Variants in ZNF79 observed in about 807,000 individuals in gnomAD.
ZNF79 encodes ZNFpT7.
Under a neutral mutation model 14.9 loss-of-function variants are expected in ZNF79, and 13 were observed. The ratio of observed to expected loss-of-function variants is 0.87; its 90% CI spans 0.57 to 1.38. The LOEUF (loss-of-function observed/expected upper bound fraction) is 1.38. Among genes scored for constraint, ZNF79 ranks in the 40% most tolerant of loss-of-function variants. The probability of loss-of-function intolerance (pLI) is 0.00; values close to 1 mark genes in which losing one functional copy is unlikely to be tolerated. For synonymous variants in ZNF79, 223 were observed against 235.1 expected (o/e 0.95, Z 0.47); for missense variants, 631 against 630.6 (o/e 1.00, Z -0.01).
At position 127,425,886 on chromosome 9, in the gene ZNF79, C is replaced by G. The variant is rs185327837; in HGVS notation, c.16+1083C>G. On this transcript the variant is annotated intron_variant, in intron 1 of 4. Coordinates refer to ENST00000342483, the MANE Select transcript of ZNF79 (RefSeq NM_007135.3). The stretch of plus-strand genomic sequence containing the variant: ...GGGATTACAGGCGTGAGCCACTGCT[C>G]CTGGCCAAGAGATCCTTATATTTGG... 2.6e-3 allele frequency among the ~76,000 whole-genome samples: 393 copies of G among 152,342 alleles called. 3 individuals carry two copies. Among genetic ancestry groups the G allele is most frequent in the Admixed American group, 4.6e-3 (71 of 15,304 alleles).
At chr9:127,442,632 G>A (rs1398775673) in intron 4 of ZNF79, among the ~76,000 whole-genome samples, 1 of 152,152 alleles carries the variant, frequency 6.6e-6, no homozygotes, top group African/African-American at 2.4e-5. Context: ...GGGAGGCTGA[G>A]GCGGAGGATC....
Position 127,439,276 on chromosome 9 carries a change from TG to T in ZNF79, c.328+3274del, listed in dbSNP as rs368618533. On this transcript the variant is annotated intron_variant, in intron 4 of 4. Coordinates refer to ENST00000342483, the MANE Select transcript of ZNF79 (RefSeq NM_007135.3). ...ATATGAAAGACACATAATCCCTGCT[TG>T]CCATGCATTAACTACATGGATTCCA... Among the ~76,000 whole-genome samples the T allele has an allele frequency of 2.6e-5, 4 of 152,192 alleles. 1 individual carries two copies. Among genetic ancestry groups the T allele is most frequent in the African/African-American group, 9.6e-5 (4 of 41,536 alleles).
At chr9:127,437,976 A>G (rs1833979214) in intron 4 of ZNF79, among the ~76,000 whole-genome samples, 1 of 152,112 alleles carries the variant, frequency 6.6e-6, no homozygotes, top group Non-Finnish European at 1.5e-5. Flanking sequence ...TAGAAACAGG[A>G]GTTGGAAAGG....
At chr9:127,430,485 T>C (rs560538355) in intron 2 of ZNF79, among the ~76,000 whole-genome samples, 26 of 152,220 alleles carry the variant, frequency 1.7e-4, no homozygotes, top group African/African-American at 6.3e-4. Context: ...ATATACTTGG[T>C]ATTTAGCTTC....
At chr9:127,428,619 A>G (rs1164305030) in intron 1 of ZNF79, 2 of 1,174,468 alleles carry the variant, frequency 1.7e-6, no homozygotes, top group African/African-American at 1.6e-5. Context: ...GATCATGGAT[A>G]CTTGAGAGTC....
intron 4 of ZNF79, 66 bp downstream of exon 4, chr9:127,436,069 G>T: frequency 7.8e-7 from 1 of 1,286,148 alleles, no homozygotes; most frequent in Non-Finnish European, 1.1e-6. Flanking sequence ...TCACGCATGA[G>T]TGTATTTGAT....
At chr9:127,435,771 C>A (rs1833935871) in intron 3 of ZNF79, 137 bp from the exon 4 acceptor site, 3 of 715,746 alleles carry the variant, frequency 4.2e-6, no homozygotes, top group African/African-American at 3.5e-5. Context: ...GGTGTAGGCA[C>A]TAAGTAAGAG....
intron 1 of ZNF79, 56 bp from the exon 2 acceptor site, chr9:127,428,776 A>AACTGGTG: frequency 1.4e-6 from 2 of 1,433,034 alleles, no homozygotes; most frequent in Non-Finnish European, 1.9e-6. Context: ...TCACAGTGAG[A>AACTGGTG]ACTGGTGACT....
Position 127,444,255 on chromosome 9 carries a change from GA to G in ZNF79, c.558del (p.Lys186AsnfsTer220), listed in dbSNP as rs1234835929. The G allele has an allele frequency of 6.2e-7, 1 of 1,613,890 alleles. No homozygotes were observed. The highest frequency in any genetic ancestry group is 8.5e-7 in the Non-Finnish European group (1 of 1,179,978). ...AGAGCTTCAAGAACTCGGAAATCCT[GA>G]AACCTCACAGAGCAAAACCATATGC... Reference protein sequence around the residue: ...TESFKNSEILKPHRAKPYACN... With the variant: ...TESFKNSEILXPHRAKPYACN... On this transcript the variant is annotated frameshift_variant, in exon 5 of 5. Coordinates refer to ENST00000342483, the MANE Select transcript of ZNF79 (RefSeq NM_007135.3). LOFTEE classifies it low-confidence loss of function (END_TRUNC).
At chr9:127,426,126 C>A (rs965676069) in intron 1 of ZNF79, among the ~76,000 whole-genome samples, 1 of 152,212 alleles carries the variant, frequency 6.6e-6, no homozygotes, top group African/African-American at 2.4e-5. Flanking sequence ...AGATATCATT[C>A]ACATACCATA....
intron 1 of ZNF79, chr9:127,428,629 C>T (rs1474045546): frequency 2.1e-5 from 25 of 1,190,468 alleles, no homozygotes; most frequent in Non-Finnish European, 2.5e-5. Flanking sequence ...ACTTGAGAGT[C>T]TGTGAACACT....
rs769499026 is a variant in ZNF79 at position 127,444,880 on chromosome 9, TG to T, written c.1181del (p.Cys394LeufsTer12). Reference sequence around the variant, plus strand: ...GGAGAAACCCTACAAGTGCAGCGAGTGTGGGAAGGCCTTCAGCCAGAGTACC... The same window carrying T: ...GGAGAAACCCTACAAGTGCAGCGAGTTGGGAAGGCCTTCAGCCAGAGTACC... ...TGEKPYKCSE[C>X]GKAFSQSTNL... On this transcript the variant is annotated frameshift_variant, in exon 5 of 5. Transcript: ENST00000342483. LOFTEE classifies it high-confidence loss of function. 36 of 1,613,882 alleles carry T rather than the reference TG, an allele frequency of 2.2e-5. No individual in the cohort carries two copies. Among genetic ancestry groups the T allele is most frequent in the Non-Finnish European group, 3.1e-5 (36 of 1,180,014 alleles).
At position 127,444,574 on chromosome 9, in the gene ZNF79, C is replaced by G; in HGVS notation, c.874C>G (p.Leu292Val). Residue 292 changes from leucine to valine, a missense_variant, in exon 5 of 5, where the codon CTT (leucine) becomes GTT (valine). Physicochemically the swap from Leu to Val is conservative, Grantham distance 32. Coordinates refer to ENST00000342483, the MANE Select transcript of ZNF79 (RefSeq NM_007135.3). ...CEKAFSDCSA[L>V]VQHQRIHTGE... ...GAAAGCCTTCAGTGACTGCTCAGCT[C>G]TTGTTCAGCATCAGAGAATTCATAC... is the stretch of plus-strand genomic sequence containing the variant. The G allele has an allele frequency of 6.2e-7, 1 of 1,614,102 alleles. No individual in the cohort carries two copies. Among genetic ancestry groups the G allele is most frequent in the Non-Finnish European group, 8.5e-7 (1 of 1,180,020 alleles).
chr9:127,438,321 A>G (rs772212657), intron 4 of ZNF79, among the ~76,000 whole-genome samples: 1 of 152,158 alleles, frequency 6.6e-6, no homozygotes, highest in Non-Finnish European at 1.5e-5. Context: ...GATTACATTA[A>G]TTTATTAGAG....
At chr9:127,440,272 G>C (rs1163076701) in intron 4 of ZNF79, among the ~76,000 whole-genome samples, 1 of 152,180 alleles carries the variant, frequency 6.6e-6, no homozygotes, top group Non-Finnish European at 1.5e-5. Flanking sequence ...GGAGCTGTTT[G>C]GGAGCTGATG....
intron 2 of ZNF79, among the ~76,000 whole-genome samples, chr9:127,433,882 C>T (rs567149349): frequency 6.6e-6 from 1 of 152,128 alleles, no homozygotes; most frequent in Non-Finnish European, 1.5e-5. Flanking sequence ...TGCATCTAGT[C>T]CCTCTCCTCA....
intron 4 of ZNF79, among the ~76,000 whole-genome samples, chr9:127,440,850 A>G (rs12554459): frequency 1.9e-3 from 288 of 152,108 alleles, no homozygotes; most frequent in Non-Finnish European, 3.2e-3. Context: ...ATTAAGGATG[A>G]CCCTAGGTTT....
At chr9:127,431,259 CTTT>C (rs1186290725) in intron 2 of ZNF79, among the ~76,000 whole-genome samples, 1 of 138,196 alleles carries the variant, frequency 7.2e-6, no homozygotes. Flanking sequence ...TTTTTCTTTT[CTTT>C]TTTTTTTTTT....
Position 127,444,135 on chromosome 9 carries a change from T to A in ZNF79, c.435T>A (p.Ser145Arg). 1 of 1,613,566 alleles carries A rather than the reference T, an allele frequency of 6.2e-7. No homozygotes were observed. Among genetic ancestry groups the A allele is most frequent in the Non-Finnish European group, 8.5e-7 (1 of 1,179,996 alleles). Reference sequence around the variant, plus strand: ...CTGGGGATTCAGACCACGGGACCAGTGACCTTGAGAAGAGCTTCAATCTGA... The same window carrying A: ...CTGGGGATTCAGACCACGGGACCAGAGACCTTGAGAAGAGCTTCAATCTGA... ...MPPGDSDHGT[S>R]DLEKSFNLRP... Residue 145 changes from serine (S) to arginine (R), a missense_variant, in exon 5 of 5, where the codon AGT becomes AGA. By Grantham distance (110) the Ser-to-Arg change is moderately radical. Coordinates refer to ENST00000342483, the MANE Select transcript of ZNF79 (RefSeq NM_007135.3).
Sources: allele counts gnomAD v4.1 joint callset (sites outside exome capture counted in the v4.1 genomes callset), GRCh38; gene constraint gnomAD v4.1.1; transcripts MANE v1.5; gene names NCBI Gene and HGNC (gene_info 2026-07-23, HGNC 2026-07-21).